The following ROBO1 variants were observed in gnomAD, a reference collection of about 807,000 sequenced individuals.
ROBO1 encodes roundabout guidance receptor 1.
ROBO1 carries 149 observed loss-of-function variants against 195.9 expected under a neutral mutation model. The ratio of observed to expected loss-of-function variants is 0.76; its 90% CI spans 0.67 to 0.87. The LOEUF (loss-of-function observed/expected upper bound fraction) is 0.87, where lower values mean the gene tolerates loss of function less well. Among genes scored for constraint, ROBO1 ranks in the 40% least tolerant of loss-of-function variants. ROBO1 has a pLI of 0.00. For missense variants in ROBO1, 1,933 were observed against 2,068.3 expected, an observed-to-expected ratio of 0.93 and a Z score of 1.27; for synonymous variants, 816 against 733.2, an observed-to-expected ratio of 1.11 and a Z score of -1.82.
chr3:79,517,615 G>A (rs1941006605), intron 2 of ROBO1, among the ~76,000 whole-genome samples: 1 of 152,106 alleles, frequency 6.6e-6, no homozygotes, highest in African/African-American at 2.4e-5. Flanking sequence ...ATCTTTATCT[G>A]CAGCCCAGAT....
intron 1 of ROBO1, among the ~76,000 whole-genome samples, chr3:79,619,152 A>T (rs116780151): frequency 0.03 from 4,568 of 152,196 alleles, 107 homozygotes; most frequent in African/African-American, 0.056. Context: ...GTGTCTGGTC[A>T]CCGCAGGGAT....
intron 17 of ROBO1, 82 bp downstream of exon 17, chr3:78,659,604 A>T: frequency 8.8e-7 from 1 of 1,134,348 alleles, no homozygotes; most frequent in Non-Finnish European, 1.1e-6. Context: ...ATATCCATAA[A>T]CAAATACCAG....
At chr3:78,659,023 T>C (rs1411194504) in intron 17 of ROBO1, among the ~76,000 whole-genome samples, 2 of 152,178 alleles carry the variant, frequency 1.3e-5, no homozygotes, top group Non-Finnish European at 2.9e-5. Context: ...CATTCCACAA[T>C]TTAGCTTGAG....
intron 2 of ROBO1, among the ~76,000 whole-genome samples, chr3:79,360,950 A>G (rs1177856063): frequency 1.3e-5 from 2 of 152,100 alleles, no homozygotes; most frequent in African/African-American, 2.4e-5. Flanking sequence ...TTTGGATTCA[A>G]TAAATTGATC....
chr3:79,318,514 G>A (rs929472174), intron 2 of ROBO1, among the ~76,000 whole-genome samples: 2 of 152,110 alleles, frequency 1.3e-5, no homozygotes, highest in African/African-American at 4.8e-5. Context: ...AACATCCTGG[G>A]CCCTGGAGCC....
chr3:79,226,703 A>G (rs529898085), intron 2 of ROBO1, among the ~76,000 whole-genome samples: 5 of 151,754 alleles, frequency 3.3e-5, no homozygotes, highest in Non-Finnish European at 7.4e-5. Context: ...CTAGTGCCAC[A>G]ATGCCCAGCT....
At chr3:79,418,969 C>T (rs186367998) in intron 2 of ROBO1, among the ~76,000 whole-genome samples, 5 of 152,048 alleles carry the variant, frequency 3.3e-5, no homozygotes, top group South Asian at 2.1e-4. Context: ...ACTAGTGTTA[C>T]GATCTTCAGT....
chr3:79,157,780 A>G (rs959034007), intron 2 of ROBO1, among the ~76,000 whole-genome samples: 1 of 151,936 alleles, frequency 6.6e-6, no homozygotes, highest in Non-Finnish European at 1.5e-5. Context: ...CCACAGATAT[A>G]TTAGCTGCTG....
chr3:79,320,707 T>C (rs761941299), intron 2 of ROBO1, among the ~76,000 whole-genome samples: 1 of 152,230 alleles, frequency 6.6e-6, no homozygotes, highest in Non-Finnish European at 1.5e-5. Context: ...ACTCTATTGA[T>C]TATATTTTAA....
chr3:79,592,659 C>G (rs987511659), intron 1 of ROBO1, among the ~76,000 whole-genome samples: 3 of 152,028 alleles, frequency 2.0e-5, no homozygotes, highest in Non-Finnish European at 4.4e-5. Context: ...ATTCCACTCC[C>G]TGCCCTTGCA....
intron 1 of ROBO1, among the ~76,000 whole-genome samples, chr3:79,753,091 T>G (rs1359077508): frequency 6.6e-6 from 1 of 152,002 alleles, no homozygotes; most frequent in Non-Finnish European, 1.5e-5. Context: ...AAAATGAAAA[T>G]AAAGCTGGAG....
intron 1 of ROBO1, among the ~76,000 whole-genome samples, chr3:79,688,478 C>T (rs947413848): frequency 6.6e-6 from 1 of 152,054 alleles, no homozygotes; most frequent in African/African-American, 2.4e-5. Flanking sequence ...AAAATTATTA[C>T]TTTGACTATT....
chr3:79,692,117 G>T (rs1947314759), intron 1 of ROBO1, among the ~76,000 whole-genome samples: 1 of 151,868 alleles, frequency 6.6e-6, no homozygotes, highest in African/African-American at 2.4e-5. Flanking sequence ...AAAGGAGGTT[G>T]AGGAGAGGAA....
At chr3:79,118,234 GGTT>G (rs2080045293) in intron 3 of ROBO1, among the ~76,000 whole-genome samples, 2 of 136,914 alleles carry the variant, frequency 1.5e-5, no homozygotes, top group Non-Finnish European at 1.6e-5. Flanking sequence ...TAATTGTGTG[GGTT>G]TTTTTTTTTT....
At chr3:79,697,168 G>C (rs921758800) in intron 1 of ROBO1, among the ~76,000 whole-genome samples, 3 of 151,392 alleles carry the variant, frequency 2.0e-5, no homozygotes, top group Admixed American at 6.6e-5. Context: ...AGATGGAACA[G>C]GGTAATTTCC....
intron 4 of ROBO1, among the ~76,000 whole-genome samples, chr3:78,803,852 A>G (rs1357655305): frequency 6.6e-6 from 1 of 152,178 alleles, no homozygotes; most frequent in African/African-American, 2.4e-5. Flanking sequence ...CAACAAAACT[A>G]TTGGCACCAT....
chr3:79,267,739 CT>C (rs1344601230), intron 2 of ROBO1, among the ~76,000 whole-genome samples: 8 of 151,382 alleles, frequency 5.3e-5, no homozygotes, highest in Admixed American at 2.0e-4. Flanking sequence ...TGTCATTGAT[CT>C]GTTTTGTTGT....
chr3:79,694,293 G>A (rs888622703), intron 1 of ROBO1, among the ~76,000 whole-genome samples: 42 of 139,796 alleles, frequency 3.0e-4, no homozygotes, highest in Non-Finnish European at 3.2e-5. Flanking sequence ...TAATTTATAA[G>A]CCACAGTTTA....
At chr3:79,618,688 A>G (rs1405293310) in intron 1 of ROBO1, among the ~76,000 whole-genome samples, 3 of 152,136 alleles carry the variant, frequency 2.0e-5, no homozygotes, top group Non-Finnish European at 1.5e-5. Context: ...GCTCACAGAA[A>G]GCCTGTTTCA....
Sources: gnomAD v4.1 joint callset for allele counts (sites outside exome capture counted in the v4.1 genomes callset) on GRCh38, gnomAD v4.1.1 for gene constraint, MANE v1.5 for transcripts, NCBI Gene and HGNC (gene_info 2026-07-23, HGNC 2026-07-21) for gene names.